The following KCNQ1 variants were observed in gnomAD, a reference collection of about 807,000 sequenced individuals.
The protein encoded by KCNQ1 is potassium voltage-gated channel subfamily KQT member 1.
In KCNQ1, 49 loss-of-function variants were observed where a neutral mutation model predicts 72.4. That is an observed-to-expected ratio of 0.68 (90% CI 0.54 to 0.86). KCNQ1 has a LOEUF of 0.86. Ranked by LOEUF, KCNQ1 falls within the 40% of genes least tolerant of loss-of-function variation. The pLI, the probability that KCNQ1 is intolerant of heterozygous loss-of-function variation, is 0.00. For synonymous variants in KCNQ1, 450 were observed against 412.6 expected, an observed-to-expected ratio of 1.09 and a Z score of -1.10; for missense variants, 790 against 945.1, an observed-to-expected ratio of 0.84 and a Z score of 2.15.
At position 2,821,762 on chromosome 11, in the gene KCNQ1, A is replaced by G. The variant is rs1225908214; in HGVS notation, c.1795-26005A>G. Among the ~76,000 whole-genome samples, 3 of 152,060 alleles carry G rather than the reference A, an allele frequency of 2.0e-5. No homozygotes were observed. In the East Asian group the frequency reaches 5.8e-4, roughly 29 times the overall value. Reference sequence around the variant, plus strand: ...CCTGGCTGCTATGTACTGGTCCTATAGGGGTTCCTTAAAGGGTGCATCTTC... The same window carrying G: ...CCTGGCTGCTATGTACTGGTCCTATGGGGGTTCCTTAAAGGGTGCATCTTC... On this transcript the variant is annotated intron_variant, in intron 15 of 15. Coordinates refer to ENST00000155840, the MANE Select transcript of KCNQ1 (RefSeq NM_000218.3).
At chr11:2,572,164 G>A in intron 5 of KCNQ1, 55 bp downstream of exon 5, 1 of 1,365,382 alleles carries the variant, frequency 7.3e-7, no homozygotes. Flanking sequence ...GACGGAGGGA[G>A]CAGAGCAGCC....
rs116118799 is a variant in KCNQ1, at chr11:2,628,048, A to G, written c.1394-33913A>G. The G allele has an allele frequency of 3.8e-5, 15 of 398,568 alleles. No individual in the cohort carries two copies. In the South Asian group the frequency reaches 1.5e-3, roughly 41 times the overall value. 24.7% of individuals were successfully genotyped at this position (398,568 alleles called of 1,614,324 possible). A position where few individuals can be genotyped will look rare whatever the true frequency, so the allele number is the denominator to read the frequency against. On this transcript the variant is annotated intron_variant, in intron 10 of 15. Coordinates refer to ENST00000155840, the MANE Select transcript of KCNQ1 (RefSeq NM_000218.3). ...ATTACAGGTACAAGCCACCATGCCTATGAATACTATGTTGCTCATTTCTTG... is the reference window on the plus strand; with the variant it reads ...ATTACAGGTACAAGCCACCATGCCTGTGAATACTATGTTGCTCATTTCTTG...
intron 1 of KCNQ1, among the ~76,000 whole-genome samples, chr11:2,466,908 TC>T (rs1224426672): frequency 6.6e-6 from 1 of 152,220 alleles, no homozygotes; most frequent in African/African-American, 2.4e-5. Context: ...ACACCTGGCC[TC>T]CTGCTCTGAG....
chr11:2,585,081 G>A, intron 7 of KCNQ1, 131 bp from the exon 8 acceptor site: 1 of 806,456 alleles, frequency 1.2e-6, no homozygotes, highest in East Asian at 2.5e-5. Flanking sequence ...GCCCGAGGTG[G>A]GACTTGGGGG....
At chr11:2,553,819 G>C (rs935928110) in intron 2 of KCNQ1, among the ~76,000 whole-genome samples, 1 of 152,084 alleles carries the variant, frequency 6.6e-6, no homozygotes, top group Non-Finnish European at 1.5e-5. Context: ...AGGCTCAAGT[G>C]ATTCTCCTGC....
intron 11 of KCNQ1, among the ~76,000 whole-genome samples, chr11:2,757,408 C>A (rs1219717886): frequency 1.3e-5 from 2 of 152,044 alleles, no homozygotes; most frequent in Non-Finnish European, 2.9e-5. Context: ...TACAATATGC[C>A]AATGAAAGAA....
In KCNQ1 at chr11:2,767,563, C is replaced by T. The variant is rs1846521584; in HGVS notation, c.1515-1281C>T. 6.6e-6 allele frequency among the ~76,000 whole-genome samples: 1 copy of T among 152,120 alleles called. No homozygotes were observed. The stretch of plus-strand genomic sequence containing the variant: ...GTAGATGCTCGAGGGTATTATCTCC[C>T]TACAGATAATTTTATTTTCTTCTGC... On this transcript the variant is annotated intron_variant, in intron 11 of 15. Coordinates refer to ENST00000155840, the MANE Select transcript of KCNQ1 (RefSeq NM_000218.3). This position sits in a 1 kb window ranked among gnomAD's most constrained non-coding sequence, Gnocchi z 4.6.
At chr11:2,833,848 C>T (rs1046837199) in intron 15 of KCNQ1, among the ~76,000 whole-genome samples, 2 of 152,204 alleles carry the variant, frequency 1.3e-5, no homozygotes, top group Admixed American at 6.5e-5. Flanking sequence ...GGGGCCGTTC[C>T]GACAGGCTGA....
At position 2,603,765 on chromosome 11, in the gene KCNQ1, A is replaced by C. The variant is rs572569082; in HGVS notation, c.1393+14911A>C. On this transcript the variant is annotated intron_variant, in intron 10 of 15. Coordinates refer to ENST00000155840, the MANE Select transcript of KCNQ1 (RefSeq NM_000218.3). The surrounding 1 kb of genome is among the most constrained non-coding windows in gnomAD (Gnocchi z 4.1). ...GAGTGCAGTGGCGCGATGTCGGCTC[A>C]CTGCAACCTCCGCCTCCCGGGTTCA... 6.2e-4 allele frequency among the ~76,000 whole-genome samples: 94 copies of C among 151,436 alleles called. No homozygotes were observed. Among genetic ancestry groups the C allele is most frequent in the African/African-American group, 2.2e-3 (90 of 41,182 alleles).
rs1037591850 is a variant in KCNQ1 at position 2,766,937 on chromosome 11, T to C, written c.1515-1907T>C. Among the ~76,000 whole-genome samples, 1 of 152,154 alleles carries C rather than the reference T, an allele frequency of 6.6e-6. No individual in the cohort carries two copies. The highest frequency in any genetic ancestry group is 6.5e-5 in the Admixed American group (1 of 15,280). On this transcript the variant is annotated intron_variant, in intron 11 of 15. Coordinates refer to ENST00000155840, the MANE Select transcript of KCNQ1 (RefSeq NM_000218.3). The surrounding 1 kb of genome is among the most constrained non-coding windows in gnomAD (Gnocchi z 4.4). ...CTCATGCCTGTAATCCCAGCACTTT[T>C]GGAGGCCAAGGCGGACAGATCATGA...
Position 2,678,952 on chromosome 11 carries a change from T to C in KCNQ1, c.1514+16871T>C, listed in dbSNP as rs928436953. 2.5e-5 allele frequency: 10 copies of C among 398,366 alleles called. No individual in the cohort carries two copies. The highest frequency in any genetic ancestry group is 1.9e-4 in the African/African-American group (9 of 48,556). 24.7% of individuals were successfully genotyped at this position (398,366 alleles called of 1,614,324 possible). A position where few individuals can be genotyped will look rare whatever the true frequency, so the allele number is the denominator to read the frequency against. Reference sequence around the variant, plus strand: ...GGAAAAACTGAATTTGCTAACTCAATAGAGAACAAAAGAGCAAATAGGCCT... The same window carrying C: ...GGAAAAACTGAATTTGCTAACTCAACAGAGAACAAAAGAGCAAATAGGCCT... On this transcript the variant is annotated intron_variant, in intron 11 of 15. Coordinates refer to ENST00000155840, the MANE Select transcript of KCNQ1 (RefSeq NM_000218.3). This position sits in a 1 kb window ranked among gnomAD's most constrained non-coding sequence, Gnocchi z 4.9.
chr11:2,758,828 T>A (rs1846343183), intron 11 of KCNQ1, among the ~76,000 whole-genome samples: 1 of 152,174 alleles, frequency 6.6e-6, no homozygotes, highest in South Asian at 2.1e-4. Context: ...TCCGTATAGA[T>A]AACATTCTCA....
At chr11:2,513,182 C>T (rs1176691303) in intron 1 of KCNQ1, among the ~76,000 whole-genome samples, 6 of 152,140 alleles carry the variant, frequency 3.9e-5, no homozygotes, top group East Asian at 3.8e-4. Flanking sequence ...CCCCACCCTC[C>T]GACCAGGACC....
chr11:2,684,441 C>T (rs182620274), intron 11 of KCNQ1: 35 of 398,660 alleles, frequency 8.8e-5, no homozygotes, highest in East Asian at 8.2e-4. Flanking sequence ...CATTTGAAAA[C>T]GTGTTCTTTT....
chr11:2,754,987 G>C (rs567448735), intron 11 of KCNQ1, among the ~76,000 whole-genome samples: 5 of 152,166 alleles, frequency 3.3e-5, no homozygotes, highest in Admixed American at 3.3e-4. Context: ...AATAACAGAC[G>C]TTTACTCTCT....
rs550776286 is a variant in KCNQ1 at position 2,575,986 on chromosome 11, G to A, written c.921+3000G>A. Among the ~76,000 whole-genome samples the A allele has an allele frequency of 5.3e-5, 8 of 152,344 alleles. No individual in the cohort carries two copies. In the South Asian group the frequency reaches 6.2e-4, roughly 12 times the overall value. ...GTGGCTGGAGACTCCAGGCGTGCCC[G>A]GTGTGCGGCCGCCTCTTTCCTCTGT... On this transcript the variant is annotated intron_variant, in intron 6 of 15. Transcript: ENST00000155840.
chr11:2,534,910 G>A lies in KCNQ1; in HGVS notation c.477+6892G>A, dbSNP rs118047919. ...AAAGGCAGAGCTGGACTGAGATTCC[G>A]CACCCCTGGGATCCTCACTGCAGGG... On this transcript the variant is annotated intron_variant, in intron 2 of 15. Coordinates refer to ENST00000155840, the MANE Select transcript of KCNQ1 (RefSeq NM_000218.3). 5.8e-3 allele frequency among the ~76,000 whole-genome samples: 885 copies of A among 152,342 alleles called. 7 individuals are homozygous for A. Among genetic ancestry groups the A allele is most frequent in the Admixed American group, 9.1e-3 (139 of 15,308 alleles).
At chr11:2,718,409 C>G (rs1047394266) in intron 11 of KCNQ1, among the ~76,000 whole-genome samples, 4 of 152,334 alleles carry the variant, frequency 2.6e-5, no homozygotes, top group South Asian at 2.1e-4. Context: ...GAACTTGATC[C>G]CCGCAGCACC....
At chr11:2,534,479 C>G (rs544347459) in intron 2 of KCNQ1, among the ~76,000 whole-genome samples, 29 of 152,244 alleles carry the variant, frequency 1.9e-4, no homozygotes, top group Non-Finnish European at 2.2e-4. Context: ...CCCTCTGCAG[C>G]TGCCGCCCGC....
Sources: allele counts gnomAD v4.1 joint callset (sites outside exome capture counted in the v4.1 genomes callset), GRCh38; gene constraint gnomAD v4.1.1; non-coding constraint Gnocchi (gnomAD v3.1); transcripts MANE v1.5; gene names NCBI Gene and HGNC (gene_info 2026-07-23, HGNC 2026-07-21).